The following LINGO1 variants were observed in gnomAD, a reference collection of about 807,000 sequenced individuals.
The protein encoded by LINGO1 is leucine rich repeat and Ig domain containing 1.
A neutral mutation model predicts 37.3 loss-of-function variants in LINGO1; 11 were observed. The observed-to-expected ratio is 0.29, with a 90% confidence interval of 0.19 to 0.49. The LOEUF is 0.49. LINGO1 is among the 20% of genes least tolerant of loss of function. The pLI is 0.99. For missense variants in LINGO1, 585 were observed against 878.2 expected, an observed-to-expected ratio of 0.67 and a Z score of 4.22; for synonymous variants, 387 against 403.0, an observed-to-expected ratio of 0.96 and a Z score of 0.48.
intron 1 of LINGO1, among the ~76,000 whole-genome samples, chr15:77,763,723 C>T (rs1201737490): frequency 1.3e-5 from 2 of 152,278 alleles, no homozygotes; most frequent in African/African-American, 4.8e-5. Context: ...CCTTTCTATC[C>T]AGGAGGAGAC....
chr15:77,664,168 T>TGCGCGCACGC (rs1459404193), intron 3 of LINGO1, among the ~76,000 whole-genome samples: 2 of 120,262 alleles, frequency 1.7e-5, no homozygotes, highest in African/African-American at 8.8e-5. Context: ...TGTGTGTGTG[T>TGCGCGCACGC]GTGCGCGCGC....
intron 2 of LINGO1, among the ~76,000 whole-genome samples, chr15:77,713,094 G>A (rs2075938688): frequency 6.6e-6 from 1 of 152,042 alleles, no homozygotes. Context: ...CCAGACTGGA[G>A]TGCAGTGGTA....
At chr15:77,703,105 T>A (rs1275954629) in intron 2 of LINGO1, among the ~76,000 whole-genome samples, 2 of 152,182 alleles carry the variant, frequency 1.3e-5, no homozygotes, top group African/African-American at 4.8e-5. Context: ...AACTGCTCTG[T>A]CCATCTCGCA....
intron 3 of LINGO1, chr15:77,648,306 AG>A (rs1315590947): frequency 5.9e-6 from 1 of 168,624 alleles, no homozygotes; most frequent in African/African-American, 2.4e-5. Flanking sequence ...CATTGTACAG[AG>A]GGGAAAACTG....
chr15:77,688,725 C>T (rs2075554378), intron 2 of LINGO1, among the ~76,000 whole-genome samples: 1 of 152,220 alleles, frequency 6.6e-6, no homozygotes, highest in African/African-American at 2.4e-5. Flanking sequence ...CTGAGAACAA[C>T]AGAAGCAGCA....
At chr15:77,796,481 GC>G in intron 1 of LINGO1, among the ~76,000 whole-genome samples, 1 of 152,310 alleles carries the variant, frequency 6.6e-6, no homozygotes, top group Middle Eastern at 3.4e-3. Context: ...CATCTCTCCT[GC>G]CAGGACTGCT....
At position 77,614,367 on chromosome 15, in the gene LINGO1, C is replaced by T. The variant is rs2142472120; in HGVS notation, c.1540G>A (p.Val514Met). 6.2e-7 allele frequency: 1 copy of T among 1,613,810 alleles called. No individual in the cohort carries two copies. Among genetic ancestry groups the T allele is most frequent in the Non-Finnish European group, 8.5e-7 (1 of 1,179,880 alleles). Residue 514 changes from valine to methionine, a missense_variant, in exon 2 of 2, where the codon GTG (valine) becomes ATG (methionine). By Grantham distance (21) the Val-to-Met change is conservative. Coordinates refer to ENST00000355300, the MANE Select transcript of LINGO1 (RefSeq NM_032808.7). ...GNDSMPAHLHVRSYSPDWPHQ... is the reference protein window; with the variant it reads ...GNDSMPAHLHMRSYSPDWPHQ... ...GGCCAGTCGGGCGAGTAGCTGCGCA[C>T]ATGCAGGTGGGCGGGCATGGAGTCG...
At chr15:77,732,682 A>G (rs1221366429) in intron 2 of LINGO1, among the ~76,000 whole-genome samples, 2 of 152,220 alleles carry the variant, frequency 1.3e-5, no homozygotes, top group African/African-American at 2.4e-5. Flanking sequence ...AAGGCTGGCC[A>G]CAGCCCACGC....
intron 2 of LINGO1, among the ~76,000 whole-genome samples, chr15:77,686,836 A>T (rs2075519403): frequency 1.3e-5 from 2 of 151,992 alleles, no homozygotes; most frequent in African/African-American, 4.8e-5. Flanking sequence ...CCCCCACCTC[A>T]GCTCTGATCA....
At chr15:77,783,966 G>T (rs2076746889) in intron 1 of LINGO1, among the ~76,000 whole-genome samples, 1 of 152,238 alleles carries the variant, frequency 6.6e-6, no homozygotes, top group African/African-American at 2.4e-5. Flanking sequence ...CTCCAGGTTT[G>T]GCACAGAGAC....
chr15:77,749,950 G>T (rs1331444655), intron 1 of LINGO1, among the ~76,000 whole-genome samples: 3 of 152,048 alleles, frequency 2.0e-5, no homozygotes, highest in Non-Finnish European at 2.9e-5. Context: ...AGCTCTCAGG[G>T]TGGGGGTGGG....
intron 2 of LINGO1, among the ~76,000 whole-genome samples, chr15:77,706,311 G>A (rs1298267708): frequency 6.6e-6 from 1 of 152,172 alleles, no homozygotes; most frequent in Non-Finnish European, 1.5e-5. Flanking sequence ...AGACCCCCTG[G>A]AGTGGCCCAC....
At chr15:77,633,216 C>T (rs973723888), upstream of LINGO1, among the ~76,000 whole-genome samples, 2 of 152,058 alleles carry the variant, frequency 1.3e-5, no homozygotes, top group Non-Finnish European at 2.9e-5. Flanking sequence ...CCCGGGCCAG[C>T]CGGGTGTCGG....
chr15:77,793,011 T>C (rs1373096564), intron 2 of LINGO1, among the ~76,000 whole-genome samples: 2 of 152,146 alleles, frequency 1.3e-5, no homozygotes, highest in Non-Finnish European at 2.9e-5. Context: ...GGGAGCTTCC[T>C]GGAAGAAACG....
chr15:77,660,010 A>T (rs2074953375), intron 3 of LINGO1: 1 of 152,042 alleles, frequency 6.6e-6, no homozygotes, highest in Admixed American at 6.5e-5. Context: ...AGTCCTTGTT[A>T]GAATGCAATA....
At chr15:77,813,297 GA>G (rs1319223134) in intron 1 of LINGO1, among the ~76,000 whole-genome samples, 1 of 152,214 alleles carries the variant, frequency 6.6e-6, no homozygotes, top group African/African-American at 2.4e-5. Context: ...CACGGACAGG[GA>G]TGGGGGAGAA....
intron 1 of LINGO1, among the ~76,000 whole-genome samples, chr15:77,786,516 C>T (rs1168318983): frequency 6.6e-6 from 1 of 152,194 alleles, no homozygotes; most frequent in Non-Finnish European, 1.5e-5. Flanking sequence ...TCAGAGGGGC[C>T]GGGCTCCTAC....
At chr15:77,776,542 G>A (rs562185728) in intron 1 of LINGO1, among the ~76,000 whole-genome samples, 1,118 of 35,632 alleles carry the variant, frequency 0.031, 10 homozygotes, top group East Asian at 0.051. Context: ...GGGAGGGAGG[G>A]AGGGAGGGAG....
chr15:77,638,272 A>G (rs773472344), upstream of LINGO1, among the ~76,000 whole-genome samples: 2 of 149,818 alleles, frequency 1.3e-5, no homozygotes, highest in Non-Finnish European at 2.9e-5. Flanking sequence ...GCCCCTCAGC[A>G]CTACCCCCGC....
Sources: gnomAD v4.1 joint callset for allele counts (sites outside exome capture counted in the v4.1 genomes callset) on GRCh38, gnomAD v4.1.1 for gene constraint, MANE v1.5 for transcripts, NCBI Gene and HGNC (gene_info 2026-07-23, HGNC 2026-07-21) for gene names.